The following PPIP5K2 variants were observed in gnomAD, a reference collection of about 807,000 sequenced individuals.
PPIP5K2 encodes inositol hexakisphosphate and diphosphoinositol-pentakisphosphate kinase 2.
PPIP5K2 carries 105 observed loss-of-function variants against 154.6 expected under a neutral mutation model. The ratio of observed to expected loss-of-function variants is 0.68; its 90% CI spans 0.58 to 0.80. The LOEUF (loss-of-function observed/expected upper bound fraction) is 0.80. Among genes scored for constraint, PPIP5K2 ranks in the 30% least tolerant of loss-of-function variants. The probability of loss-of-function intolerance (pLI) is 0.00; values close to 1 mark genes in which losing one functional copy is unlikely to be tolerated. For missense variants in PPIP5K2, 992 were observed against 1,504.6 expected, an observed-to-expected ratio of 0.66 and a Z score of 5.64; for synonymous variants, 480 against 490.3, an observed-to-expected ratio of 0.98 and a Z score of 0.28.
chr5:103,203,938 T>G lies in PPIP5K2; in HGVS notation c.*2304T>G, dbSNP rs1554231507. 2 of 152,098 alleles carry G rather than the reference T, an allele frequency of 1.3e-5. No individual in the cohort carries two copies. Among genetic ancestry groups the G allele is most frequent in the African/African-American group, 4.8e-5 (2 of 41,398 alleles). 9.4% of individuals were successfully genotyped at this position (152,098 alleles called of 1,614,324 possible). On this transcript the variant is annotated 3_prime_UTR_variant, in exon 31 of 31. Coordinates refer to ENST00000358359, the MANE Select transcript of PPIP5K2 (RefSeq NM_001276277.3). ...CCTTATGTCAGTGATAGACAAGATA[T>G]AGAGGCTGAAGGGAATACAGTAAAG...
At chr5:103,125,469 T>TTA (rs1194569384) in intron 1 of PPIP5K2, among the ~76,000 whole-genome samples, 16 of 151,744 alleles carry the variant, frequency 1.1e-4, no homozygotes, top group African/African-American at 3.9e-4. Flanking sequence ...TTTTTTTTTT[T>TTA]TATATGACAT....
intron 17 of PPIP5K2, among the ~76,000 whole-genome samples, chr5:103,166,683 G>A (rs1398320273): frequency 1.3e-5 from 2 of 151,810 alleles, no homozygotes; most frequent in African/African-American, 2.4e-5. Flanking sequence ...CCAGTATTTT[G>A]TATATGTATT....
At position 103,190,825 on chromosome 5, in the gene PPIP5K2, G is replaced by T. The variant is rs782778152; in HGVS notation, c.3353-17G>T. The T allele has an allele frequency of 3.1e-5, 48 of 1,548,318 alleles. No individual in the cohort carries two copies. Among genetic ancestry groups the T allele is most frequent in the Middle Eastern group, 3.5e-4 (2 of 5,764 alleles). ...ATCCATCTTTTATTTTTTGTTTTTG[G>T]TTTTTTTCTCTTCTAGGCTTTGAAT... is the stretch of plus-strand genomic sequence containing the variant. On this transcript the variant is annotated splice_polypyrimidine_tract_variant and intron_variant, in intron 28 of 30. Transcript: ENST00000358359.
intron 14 of PPIP5K2, among the ~76,000 whole-genome samples, chr5:103,157,701 C>CA (rs200006175): frequency 0.3 from 40,554 of 133,284 alleles, 5,817 homozygotes; most frequent in East Asian, 0.47. Context: ...GACTCTGTCT[C>CA]AAAAAAAAAA....
chr5:103,199,623 T>C (rs1240024006), intron 30 of PPIP5K2, among the ~76,000 whole-genome samples: 1 of 152,096 alleles, frequency 6.6e-6, no homozygotes, highest in East Asian at 1.9e-4. Context: ...ATGTCTATTT[T>C]TTTTTTTCTT....
chr5:103,160,682 G>A (rs1327867988), intron 17 of PPIP5K2, among the ~76,000 whole-genome samples: 1 of 152,162 alleles, frequency 6.6e-6, no homozygotes, highest in Non-Finnish European at 1.5e-5. Flanking sequence ...CATGGCCTGT[G>A]TAACAGGCCA....
At chr5:103,131,967 A>G (rs1438653060) in intron 2 of PPIP5K2, among the ~76,000 whole-genome samples, 6 of 152,194 alleles carry the variant, frequency 3.9e-5, no homozygotes, top group African/African-American at 1.4e-4. Flanking sequence ...TTAGCATTTA[A>G]AAAAATTGTA....
At chr5:103,149,360 A>T (rs1794241106) in intron 8 of PPIP5K2, 47 bp downstream of exon 8, 1 of 1,521,262 alleles carries the variant, frequency 6.6e-7, no homozygotes. Flanking sequence ...GTAAATTCTA[A>T]TTTTCTTTTT....
chr5:103,194,709 CTATT>C (rs1370031245), intron 29 of PPIP5K2, 187 bp from the exon 30 acceptor site: 7 of 519,544 alleles, frequency 1.3e-5, no homozygotes, highest in Non-Finnish European at 2.4e-5. Flanking sequence ...AAACAAACAT[CTATT>C]TGTCTAAGGC....
intron 17 of PPIP5K2, among the ~76,000 whole-genome samples, chr5:103,161,102 TC>T (rs543912144): frequency 4.2e-5 from 5 of 119,512 alleles, no homozygotes; most frequent in African/African-American, 1.6e-4. Flanking sequence ...ATGCTTTCCC[TC>T]CCCCCAACCC....
At chr5:103,139,957 T>C (rs977049676) in intron 5 of PPIP5K2, among the ~76,000 whole-genome samples, 7 of 152,120 alleles carry the variant, frequency 4.6e-5, no homozygotes, top group Admixed American at 1.3e-4. Flanking sequence ...GAAAACTGGC[T>C]ATGTGAAAAT....
At chr5:103,129,835 T>C in intron 2 of PPIP5K2, 132 bp downstream of exon 2, 5 of 1,212,826 alleles carry the variant, frequency 4.1e-6, no homozygotes, top group Non-Finnish European at 5.4e-6. Context: ...ACTGATGTTG[T>C]TGAATCTATG....
intron 6 of PPIP5K2, among the ~76,000 whole-genome samples, chr5:103,147,086 T>C (rs1463124905): frequency 2.0e-5 from 3 of 151,962 alleles, no homozygotes; most frequent in African/African-American, 7.2e-5. Flanking sequence ...AATTGAGATA[T>C]AATGACATTG....
At chr5:103,124,246 C>T (rs1231245361) in intron 1 of PPIP5K2, among the ~76,000 whole-genome samples, 1 of 148,828 alleles carries the variant, frequency 6.7e-6, no homozygotes, top group Admixed American at 6.7e-5. Context: ...TGCCACTGCA[C>T]TCCAACCTGG....
Position 103,138,475 on chromosome 5 carries a change from A to G in PPIP5K2, c.487+6A>G, listed in dbSNP as rs1352919365. ...TGACCCAAATAATCCCAAAGGTAAG[A>G]GTAAGAGATTTTAGGTAAGCTTCCT... is the stretch of plus-strand genomic sequence containing the variant. On this transcript the variant is annotated splice_donor_region_variant and intron_variant, in intron 5 of 30. Transcript: ENST00000358359. The G allele has an allele frequency of 1.9e-6, 3 of 1,577,950 alleles. No individual in the cohort carries two copies. Among genetic ancestry groups the G allele is most frequent in the Non-Finnish European group, 2.6e-6 (3 of 1,152,822 alleles).
At chr5:103,175,396 AT>A (rs1264892011) in intron 21 of PPIP5K2, among the ~76,000 whole-genome samples, 1 of 112,662 alleles carries the variant, frequency 8.9e-6, no homozygotes, top group African/African-American at 3.5e-5. Flanking sequence ...GGGAAAAAAA[AT>A]GACCCTTAAT....
intron 21 of PPIP5K2, among the ~76,000 whole-genome samples, chr5:103,175,098 C>T (rs1798508968): frequency 6.6e-6 from 1 of 152,066 alleles, no homozygotes; most frequent in African/African-American, 2.4e-5. Flanking sequence ...CTGTGCACGT[C>T]TGTGTAGAAA....
intron 5 of PPIP5K2, among the ~76,000 whole-genome samples, chr5:103,143,925 A>G (rs1282012377): frequency 5.3e-5 from 8 of 152,214 alleles, no homozygotes; most frequent in African/African-American, 1.9e-4. Context: ...AATACTGGAA[A>G]TTATAGCCAG....
chr5:103,165,274 A>G (rs1214717276), intron 17 of PPIP5K2, among the ~76,000 whole-genome samples: 3 of 151,978 alleles, frequency 2.0e-5, no homozygotes, highest in Admixed American at 6.6e-5. Context: ...CCTTTAGACA[A>G]TGTTGGGGTT....
Sources: allele counts gnomAD v4.1 joint callset (sites outside exome capture counted in the v4.1 genomes callset), GRCh38; gene constraint gnomAD v4.1.1; transcripts MANE v1.5; gene names NCBI Gene and HGNC (gene_info 2026-07-23, HGNC 2026-07-21).